The following CD81 variants were observed in gnomAD, a reference collection of about 807,000 sequenced individuals.
CD81 encodes the protein CD81 antigen.
In CD81, 10 loss-of-function variants were observed where a neutral mutation model predicts 30.1. The observed-to-expected ratio is 0.33, with a 90% CI of 0.21 to 0.56. The LOEUF is 0.56. CD81 is among the 20% of genes least tolerant of loss of function. The pLI is 0.89. For synonymous variants in CD81, 147 were observed against 126.4 expected, an observed-to-expected ratio of 1.16 and a Z score of -1.10; for missense variants, 263 against 308.7, an observed-to-expected ratio of 0.85 and a Z score of 1.11.
intron 5 of CD81, 61 bp downstream of exon 5, chr11:2,395,581 C>A: frequency 1.5e-6 from 2 of 1,308,710 alleles, no homozygotes; most frequent in Non-Finnish European, 2.2e-6. Context: ...GGGTGTGTCT[C>A]GTCCTGGATG....
At chr11:2,379,165 G>C (rs1452783106) in intron 1 of CD81, 1 of 455,852 alleles carries the variant, frequency 2.2e-6, no homozygotes, top group Admixed American at 2.3e-5. Flanking sequence ...CCAGACACAG[G>C]ATGTCCCTCT....
chr11:2,386,454 G>A (rs1426849189), intron 1 of CD81: 1 of 686,906 alleles, frequency 1.5e-6, no homozygotes, highest in Non-Finnish European at 2.7e-6. Flanking sequence ...ATTTGGTGCT[G>A]CCATTGCCCT....
chr11:2,386,692 AG>A (rs1849804181), intron 1 of CD81: 1 of 704,578 alleles, frequency 1.4e-6, no homozygotes, highest in East Asian at 2.7e-5. Flanking sequence ...TTTTCCACCC[AG>A]GGTGGCTCCC....
At position 2,395,041 on chromosome 11, in the gene CD81, G is replaced by A; in HGVS notation, c.349G>A (p.Asp117Asn). The change falls in exon 4 of 8, where the codon GAC becomes AAC. Residue 117 changes from aspartate to asparagine, a missense_variant. By Grantham distance (23) the Asp-to-Asn change is conservative. This residue lies in a region of CD81 where 176 missense variants were observed against 192.9 expected (regional missense o/e 0.91). Transcript: ENST00000263645. The stretch of plus-strand genomic sequence containing the variant: ...CGGCATCTGGGGCTTTGTCAACAAG[G>A]ACCAGGTGAGCCTGGGTGTGCAGGG... Reference protein sequence around the residue: ...AAGIWGFVNKDQIAKDVKQFY... With the variant: ...AAGIWGFVNKNQIAKDVKQFY... The A allele has an allele frequency of 1.9e-6, 3 of 1,606,856 alleles. No individual in the cohort carries two copies. The highest frequency in any genetic ancestry group is 1.7e-6 in the Non-Finnish European group (2 of 1,176,306).
At chr11:2,377,213 G>C (rs1327785158), upstream of CD81, 3 of 152,794 alleles carry the variant, frequency 2.0e-5, no homozygotes, top group African/African-American at 7.2e-5. The surrounding 1 kb of genome is among the most constrained non-coding windows in gnomAD (Gnocchi z 7.7). Flanking sequence ...GCGGCAGGAG[G>C]CGGGGCCGGG....
At chr11:2,376,632 A>G (rs1365011085), upstream of CD81, among the ~76,000 whole-genome samples, 1 of 152,212 alleles carries the variant, frequency 6.6e-6, no homozygotes, top group African/African-American at 2.4e-5. Context: ...AGGTTCTCCT[A>G]TAGGTGTCTC....
At chr11:2,380,900 A>C (rs536574649) in intron 1 of CD81, among the ~76,000 whole-genome samples, 2 of 152,322 alleles carry the variant, frequency 1.3e-5, no homozygotes, top group East Asian at 3.9e-4. Flanking sequence ...TGCAGCTGGT[A>C]GCCACCTCCC....
intron 1 of CD81, among the ~76,000 whole-genome samples, chr11:2,383,516 T>C (rs1053529402): frequency 1.3e-5 from 2 of 152,150 alleles, no homozygotes; most frequent in Admixed American, 6.5e-5. Context: ...TACTTCCTCC[T>C]TTCCTTCCTG....
chr11:2,383,243 CT>C (rs1285163306), intron 1 of CD81, among the ~76,000 whole-genome samples: 7 of 152,306 alleles, frequency 4.6e-5, no homozygotes, highest in Admixed American at 1.3e-4. Flanking sequence ...CTTTTCGCCC[CT>C]GGAGGCCACA....
At chr11:2,381,002 AT>A in intron 1 of CD81, among the ~76,000 whole-genome samples, 1 of 152,328 alleles carries the variant, frequency 6.6e-6, no homozygotes, top group East Asian at 1.9e-4. Context: ...CATGACTGTC[AT>A]TTGGCACGTC....
intron 1 of CD81, among the ~76,000 whole-genome samples, chr11:2,381,339 C>T (rs930762104): frequency 8.5e-5 from 13 of 152,240 alleles, no homozygotes; most frequent in African/African-American, 2.9e-4. Flanking sequence ...ACAAGTCACT[C>T]GCCCTCCCTG....
chr11:2,388,749 C>A (rs1849842291), intron 1 of CD81, among the ~76,000 whole-genome samples: 1 of 152,192 alleles, frequency 6.6e-6, no homozygotes, highest in African/African-American at 2.4e-5. Context: ...CCGGGTGCCT[C>A]CTCACCTGGC....
In CD81 at chr11:2,396,964, G is replaced by T; in HGVS notation, c.*98G>T. The T allele has an allele frequency of 1.8e-6, 2 of 1,123,084 alleles. No individual in the cohort carries two copies. Among genetic ancestry groups the T allele is most frequent in the East Asian group, 2.5e-5 (1 of 40,634 alleles). 69.6% of individuals were successfully genotyped at this position (1,123,084 alleles called of 1,614,324 possible). Reference sequence around the variant, plus strand: ...CACCGCCTGTGTATATAACGTTTCCGGTATTACTCTGCTACACGTAGCCTT... The same window carrying T: ...CACCGCCTGTGTATATAACGTTTCCTGTATTACTCTGCTACACGTAGCCTT... On this transcript the variant is annotated 3_prime_UTR_variant, in exon 8 of 8. Transcript: ENST00000263645.
chr11:2,377,527 GGCCGCCCGCCGCCCGC>G lies in CD81; in HGVS notation c.-16_-1del. ...GCCCAGGACCGGCCCGCGCCCCGCA[GGCCGCCCGCCGCCCGC>G]GCCGCCATGGGAGTGGAGGGCTGCA... is the stretch of plus-strand genomic sequence containing the variant. On this transcript the variant is annotated 5_prime_UTR_variant, in exon 1 of 8. Coordinates refer to ENST00000263645, the MANE Select transcript of CD81 (RefSeq NM_004356.4). The surrounding 1 kb of genome is among the most constrained non-coding windows in gnomAD (Gnocchi z 7.7). 7.5e-7 allele frequency: 1 copy of G among 1,326,064 alleles called. No individual in the cohort carries two copies. Among genetic ancestry groups the G allele is most frequent in the Non-Finnish European group, 9.9e-7 (1 of 1,012,878 alleles). The allele number at this position is 1,326,064 out of a possible 1,614,324, so 82.1% of individuals were successfully genotyped here.
chr11:2,377,466 C>T lies in CD81; in HGVS notation c.-84C>T, dbSNP rs1280829618. 2 of 508,138 alleles carry T rather than the reference C, an allele frequency of 3.9e-6. No homozygotes were observed. The highest frequency in any genetic ancestry group is 7.8e-5 in the South Asian group (1 of 12,786). 31.5% of individuals were successfully genotyped at this position (508,138 alleles called of 1,614,324 possible). On this transcript the variant is annotated 5_prime_UTR_variant, in exon 1 of 8. Coordinates refer to ENST00000263645, the MANE Select transcript of CD81 (RefSeq NM_004356.4). The surrounding 1 kb of genome is among the most constrained non-coding windows in gnomAD (Gnocchi z 7.7). ...CCCTCGGCCCGCCAGGCCCCCTTGC[C>T]GGCCACCCGCCAGGCCCCGCGCCGG...
At chr11:2,382,939 C>T (rs999621592) in intron 1 of CD81, among the ~76,000 whole-genome samples, 1 of 152,186 alleles carries the variant, frequency 6.6e-6, no homozygotes, top group Non-Finnish European at 1.5e-5. Flanking sequence ...CCTGGCTTCC[C>T]TGCCTCGGGA....
intron 1 of CD81, among the ~76,000 whole-genome samples, chr11:2,381,352 G>T (rs1849701602): frequency 6.6e-6 from 1 of 152,368 alleles, no homozygotes; most frequent in Non-Finnish European, 1.5e-5. Context: ...CCTCCCTGCG[G>T]TCACCAGGGT....
Position 2,396,428 on chromosome 11 carries a change from A to G in CD81, c.562-200A>G, listed in dbSNP as rs1189148794. 1.9e-5 allele frequency: 12 copies of G among 627,340 alleles called. No individual in the cohort carries two copies. In the East Asian group the frequency reaches 3.3e-4, roughly 17 times the overall value. 38.9% of individuals were successfully genotyped at this position (627,340 alleles called of 1,614,324 possible). ...AGTGTGTCCCAGGCATTTCGCGTTT[A>G]TGTTAAAACGGGTGGAAGATAGCAA... On this transcript the variant is annotated intron_variant, in intron 6 of 7. Transcript: ENST00000263645.
chr11:2,395,271 G>A, intron 4 of CD81, 145 bp from the exon 5 acceptor site: 8 of 761,342 alleles, frequency 1.1e-5, no homozygotes, highest in Non-Finnish European at 1.8e-5. Flanking sequence ...AGCTGAGAGT[G>A]CAGAGTCCTT....
Sources: allele counts gnomAD v4.1 joint callset (sites outside exome capture counted in the v4.1 genomes callset), GRCh38; gene constraint gnomAD v4.1.1; regional missense constraint gnomAD v4.1.1; non-coding constraint Gnocchi (gnomAD v3.1); transcripts MANE v1.5; gene names NCBI Gene and HGNC (gene_info 2026-07-23, HGNC 2026-07-21).